COA6: variants seen among roughly 807,000 people sequenced by gnomAD.
COA6 encodes cytochrome c oxidase assembly factor 6 homolog.
Under a neutral mutation model 17.1 loss-of-function variants are expected in COA6, and 12 were observed. The ratio of observed to expected loss-of-function variants is 0.70; its 90% confidence interval spans 0.45 to 1.14. The LOEUF is 1.14. COA6 is among the 50% of genes most tolerant of loss of function. The probability of loss-of-function intolerance (pLI) is 0.00; values close to 1 mark genes in which losing one functional copy is unlikely to be tolerated. For missense variants in COA6, 246 were observed against 196.5 expected, an observed-to-expected ratio of 1.25 and a Z score of -1.51; for synonymous variants, 90 against 73.4, an observed-to-expected ratio of 1.23 and a Z score of -1.16.
intron 2 of COA6, among the ~76,000 whole-genome samples, chr1:234,381,765 A>G (rs1471549113): frequency 6.6e-6 from 1 of 152,210 alleles, no homozygotes; most frequent in African/African-American, 2.4e-5. Context: ...GTCTAGGTAG[A>G]TGTGATGCGT....
intron 2 of COA6, among the ~76,000 whole-genome samples, chr1:234,377,101 A>AGG (rs1658826482): frequency 2.6e-5 from 2 of 77,850 alleles, no homozygotes; most frequent in Admixed American, 1.2e-4. Context: ...AGAGAGAGAG[A>AGG]TCCAGTCTCT....
chr1:234,374,021 C>T (rs1216045187), intron 1 of COA6: 7 of 948,458 alleles, frequency 7.4e-6, no homozygotes, highest in African/African-American at 6.7e-5. Flanking sequence ...TGAGATAAGC[C>T]TCAAGAGCGG....
At chr1:234,378,999 T>C (rs565777952) in intron 2 of COA6, among the ~76,000 whole-genome samples, 1 of 151,418 alleles carries the variant, frequency 6.6e-6, no homozygotes, top group East Asian at 1.9e-4. Flanking sequence ...GGAGGTACTT[T>C]TTTAATTTTT....
At chr1:234,382,493 G>A (rs531061750) in intron 2 of COA6, among the ~76,000 whole-genome samples, 2 of 152,274 alleles carry the variant, frequency 1.3e-5, no homozygotes, top group East Asian at 1.9e-4. Flanking sequence ...CGTGGCTGTC[G>A]TACACCCTCG....
intron 2 of COA6, among the ~76,000 whole-genome samples, chr1:234,379,941 C>T (rs1459338492): frequency 6.6e-6 from 1 of 152,166 alleles, no homozygotes; most frequent in African/African-American, 2.4e-5. Flanking sequence ...GGTGGGGACA[C>T]AAAGCCTAAC....
At chr1:234,381,664 A>G (rs2103018786) in intron 2 of COA6, among the ~76,000 whole-genome samples, 1 of 152,356 alleles carries the variant, frequency 6.6e-6, no homozygotes, top group Middle Eastern at 3.4e-3. Context: ...CTAGAAATAG[A>G]GAAGCCAGTG....
intron 2 of COA6, among the ~76,000 whole-genome samples, chr1:234,380,202 G>T (rs983680724): frequency 1.3e-5 from 2 of 152,158 alleles, no homozygotes; most frequent in East Asian, 3.8e-4. Flanking sequence ...CCTTGTCAAA[G>T]TCCTACTCAA....
At chr1:234,381,442 G>C (rs1324086398) in intron 2 of COA6, among the ~76,000 whole-genome samples, 1 of 152,198 alleles carries the variant, frequency 6.6e-6, no homozygotes, top group Non-Finnish European at 1.5e-5. Context: ...TAGCTCTGTA[G>C]GACAAACAGT....
intron 2 of COA6, 29 bp from the exon 3 acceptor site, chr1:234,383,694 T>C (rs1659048077): frequency 1.1e-6 from 1 of 934,238 alleles, no homozygotes; most frequent in East Asian, 2.4e-5. Context: ...TAACTTGCCC[T>C]TATTTCAAAT....
At chr1:234,380,326 A>G (rs924970603) in intron 2 of COA6, among the ~76,000 whole-genome samples, 3 of 152,336 alleles carry the variant, frequency 2.0e-5, no homozygotes, top group South Asian at 4.1e-4. Context: ...TCTGAATGAG[A>G]TGCTTTGTTT....
chr1:234,383,631 A>T, intron 2 of COA6, 92 bp from the exon 3 acceptor site: 2 of 621,254 alleles, frequency 3.2e-6, no homozygotes, highest in Non-Finnish European at 5.8e-6. Context: ...ACTTAAATTT[A>T]TGTTGAATAA....
rs1659013152 is a variant in COA6 at position 234,382,859 on chromosome 1, T to G, written c.373-864T>G. On this transcript the variant is annotated intron_variant, in intron 2 of 2. Coordinates refer to ENST00000366615, the MANE Select transcript of COA6 (RefSeq NM_001206641.3). Reference sequence around the variant, plus strand: ...ATCACTACTAAAAATACAAAAAAAGTAGCCGGGCATGGTAGCAGATGCCTG... The same window carrying G: ...ATCACTACTAAAAATACAAAAAAAGGAGCCGGGCATGGTAGCAGATGCCTG... Among the ~76,000 whole-genome samples the G allele has an allele frequency of 2.0e-5, 3 of 151,946 alleles. No homozygotes were observed. In the South Asian group the frequency reaches 6.2e-4, roughly 31 times the overall value.
intron 2 of COA6, among the ~76,000 whole-genome samples, chr1:234,383,036 AAGGGAGGGAGGG>A (rs770161579): frequency 2.8e-4 from 14 of 49,398 alleles, no homozygotes; most frequent in East Asian, 1.4e-3. Flanking sequence ...AGAGAGAAGG[AAGGGAGGGAGGG>A]AGGGAGGGAG....
Position 234,374,393 on chromosome 1 carries a change from A to G in COA6, c.372+4A>G. On this transcript the variant is annotated splice_donor_region_variant and intron_variant, in intron 2 of 2. Coordinates refer to ENST00000366615, the MANE Select transcript of COA6 (RefSeq NM_001206641.3). ...ATCAAGTTGTCCCCAACAGTGGGTAAGTCACACTTTGATGTGTTTCTCTTC... is the reference window on the plus strand; with the variant it reads ...ATCAAGTTGTCCCCAACAGTGGGTAGGTCACACTTTGATGTGTTTCTCTTC... 6.2e-7 allele frequency: 1 copy of G among 1,613,938 alleles called. No individual in the cohort carries two copies. Among genetic ancestry groups the G allele is most frequent in the Non-Finnish European group, 8.5e-7 (1 of 1,179,920 alleles).
chr1:234,373,717 C>A, intron 1 of COA6, 39 bp downstream of exon 1: 2 of 1,613,862 alleles, frequency 1.2e-6, no homozygotes, highest in Non-Finnish European at 8.5e-7. Flanking sequence ...CGCGCGTGGA[C>A]TATGGGCCCG....
rs1204103543 is a variant in COA6 at position 234,384,096 on chromosome 1, G to C, written c.*278G>C. The C allele has an allele frequency of 4.0e-6, 1 of 247,142 alleles. No individual in the cohort carries two copies. The highest frequency in any genetic ancestry group is 7.8e-6 in the Non-Finnish European group (1 of 128,482). 15.3% of individuals were successfully genotyped at this position (247,142 alleles called of 1,614,324 possible). ...GTTTTTAATTAGAGGATGGGTAGTA[G>C]GCAGATGATAAAATTTATAATATAC... On this transcript the variant is annotated 3_prime_UTR_variant, in exon 3 of 3. Coordinates refer to ENST00000366615, the MANE Select transcript of COA6 (RefSeq NM_001206641.3).
At position 234,383,678 on chromosome 1, in the gene COA6, G is replaced by A. The variant is rs760440559; in HGVS notation, c.373-45G>A. The stretch of plus-strand genomic sequence containing the variant: ...TAAATCTGTGCTTTTGCTTATCTAA[G>A]CTGCATAACTTGCCCTTATTTCAAA... On this transcript the variant is annotated intron_variant, in intron 2 of 2. Coordinates refer to ENST00000366615, the MANE Select transcript of COA6 (RefSeq NM_001206641.3). 3 of 791,466 alleles carry A rather than the reference G, an allele frequency of 3.8e-6. No individual in the cohort carries two copies. In the African/African-American group the frequency reaches 5.4e-5, roughly 14 times the overall value. 49.0% of individuals were successfully genotyped at this position (791,466 alleles called of 1,614,324 possible).
At chr1:234,373,957 G>T in intron 1 of COA6, 1 of 1,306,786 alleles carries the variant, frequency 7.7e-7, no homozygotes, top group South Asian at 1.4e-5. Context: ...ACAGTTCTCA[G>T]CCGGGCTTTC....
Position 234,378,996 on chromosome 1 carries a change from CT to C in COA6, c.372+4613del, listed in dbSNP as rs1442905699. Reference sequence around the variant, plus strand: ...CAAGAGACGGGAGGCCAGGGAGGTACTTTTTTAATTTTTTTTTTTTTTTTTT... The same window carrying C: ...CAAGAGACGGGAGGCCAGGGAGGTACTTTTTAATTTTTTTTTTTTTTTTTT... On this transcript the variant is annotated intron_variant, in intron 2 of 2. Coordinates refer to ENST00000366615, the MANE Select transcript of COA6 (RefSeq NM_001206641.3). 4.9e-3 allele frequency among the ~76,000 whole-genome samples: 731 copies of C among 147,870 alleles called. 4 individuals are homozygous for C. Among genetic ancestry groups the C allele is most frequent in the African/African-American group, 0.017 (694 of 40,070 alleles).
Sources: allele counts gnomAD v4.1 joint callset (sites outside exome capture counted in the v4.1 genomes callset), GRCh38; gene constraint gnomAD v4.1.1; transcripts MANE v1.5; gene names NCBI Gene and HGNC (gene_info 2026-07-23, HGNC 2026-07-21).